SNX25: variants seen among roughly 807,000 people sequenced by gnomAD.
The protein encoded by SNX25 is sorting nexin-25.
A neutral mutation model predicts 113.7 loss-of-function variants in SNX25; 62 were observed. The ratio of observed to expected loss-of-function variants is 0.55; its 90% CI spans 0.44 to 0.67. SNX25 has a LOEUF of 0.67. Ranked by LOEUF, SNX25 falls within the 30% of genes least tolerant of loss-of-function variation. SNX25 has a pLI of 0.00. For missense variants in SNX25, 1,014 were observed against 1,161.0 expected (o/e 0.87, Z 1.84); for synonymous variants, 421 against 436.2 (o/e 0.97, Z 0.43).
At chr4:185,310,322 G>T (rs190825845) in intron 6 of SNX25, among the ~76,000 whole-genome samples, 1 of 152,174 alleles carries the variant, frequency 6.6e-6, no homozygotes, top group African/African-American at 2.4e-5. Context: ...GTATTTGTAC[G>T]TACACATTCA....
At chr4:185,257,936 C>G (rs1168686017) in intron 2 of SNX25, among the ~76,000 whole-genome samples, 1 of 152,090 alleles carries the variant, frequency 6.6e-6, no homozygotes, top group African/African-American at 2.4e-5. Context: ...AGACAGAAAC[C>G]ACACTGTAAT....
At chr4:185,287,530 C>A (rs542467851) in intron 5 of SNX25, among the ~76,000 whole-genome samples, 1 of 152,192 alleles carries the variant, frequency 6.6e-6, no homozygotes. Flanking sequence ...TACTTGGCAC[C>A]GCCCGGTGTG....
downstream of SNX25, chr4:185,365,933 G>T (rs932340088): frequency 3.3e-5 from 5 of 152,056 alleles, no homozygotes; most frequent in African/African-American, 1.2e-4. Context: ...AACATAAAAC[G>T]AGAGCAAATA....
intron 15 of SNX25, among the ~76,000 whole-genome samples, chr4:185,353,981 T>C (rs1324496498): frequency 6.6e-6 from 1 of 151,260 alleles, no homozygotes; most frequent in Non-Finnish European, 1.5e-5. Context: ...GAGGTGGAGG[T>C]TGCAGTGAGC....
chr4:185,204,429 G>A (rs1218738105), exon 1 of SNX25: 1 of 152,220 alleles, frequency 6.6e-6, no homozygotes, highest in Non-Finnish European at 1.5e-5. Flanking sequence ...CCAGAGGCTG[G>A]TTTCAGAATG....
chr4:185,215,843 G>A (rs1274336867), intron 1 of SNX25, among the ~76,000 whole-genome samples: 2 of 151,398 alleles, frequency 1.3e-5, no homozygotes, highest in Non-Finnish European at 2.9e-5. Flanking sequence ...AGATTGGAGG[G>A]CAGTGGTGCC....
At chr4:185,252,994 G>A (rs919373396) in intron 2 of SNX25, among the ~76,000 whole-genome samples, 2 of 152,168 alleles carry the variant, frequency 1.3e-5, no homozygotes, top group Non-Finnish European at 2.9e-5. Flanking sequence ...AGGCAGAACA[G>A]TTACCCTTCT....
At chr4:185,212,573 G>A (rs1348306272) in intron 1 of SNX25, among the ~76,000 whole-genome samples, 2 of 149,408 alleles carry the variant, frequency 1.3e-5, no homozygotes, top group Admixed American at 6.7e-5. Flanking sequence ...TAGAGACAGG[G>A]TCCTCAAGTG....
At chr4:185,204,398 AC>A (rs1737095375) in exon 1 of SNX25, 2 of 152,228 alleles carry the variant, frequency 1.3e-5, no homozygotes, top group African/African-American at 4.8e-5. Context: ...TTCAGTTCAT[AC>A]CACTAGTTAG....
At chr4:185,204,875 G>A (rs529012256), upstream of SNX25, among the ~76,000 whole-genome samples, 6 of 152,338 alleles carry the variant, frequency 3.9e-5, no homozygotes, top group East Asian at 9.6e-4. Context: ...ACTAGAGCCT[G>A]CAAATTTTGA....
rs1192867878 is a variant in SNX25 at position 185,232,109 on chromosome 4, C to T, written c.430-15185C>T. ...TAAAAGCTAGTTAATGTGAAAAACA[C>T]ACTCACCCGTCTAAACCCAAAGAAT... On this transcript the variant is annotated intron_variant, in intron 1 of 18. Coordinates refer to ENST00000652585, the MANE Select transcript of SNX25 (RefSeq NM_001378034.2). This position sits in a 1 kb window ranked among gnomAD's most constrained non-coding sequence, Gnocchi z 4.4. 6.6e-6 allele frequency among the ~76,000 whole-genome samples: 1 copy of T among 152,120 alleles called. No individual in the cohort carries two copies. Among genetic ancestry groups the T allele is most frequent in the Non-Finnish European group, 1.5e-5 (1 of 68,030 alleles).
At chr4:185,213,528 C>A (rs919353150) in intron 1 of SNX25, among the ~76,000 whole-genome samples, 1 of 152,168 alleles carries the variant, frequency 6.6e-6, no homozygotes, top group African/African-American at 2.4e-5. Context: ...CTGTGATGCT[C>A]TAGGGCCAGC....
At chr4:185,336,134 A>T (rs562822771) in intron 10 of SNX25, among the ~76,000 whole-genome samples, 10 of 152,250 alleles carry the variant, frequency 6.6e-5, no homozygotes, top group Non-Finnish European at 1.5e-4. Context: ...CTGGTAAAGT[A>T]TATATAACAA....
intron 9 of SNX25, among the ~76,000 whole-genome samples, chr4:185,329,947 T>C (rs192173111): frequency 6.6e-6 from 1 of 152,260 alleles, no homozygotes. Context: ...GGGCTGCTGC[T>C]GCCCACTGCT....
chr4:185,273,998 A>G (rs1749303486), intron 5 of SNX25, among the ~76,000 whole-genome samples: 1 of 151,914 alleles, frequency 6.6e-6, no homozygotes, highest in African/African-American at 2.4e-5. Context: ...AATTTCACCC[A>G]TCATATCCTA....
At chr4:185,265,839 A>G (rs776324061) in intron 4 of SNX25, among the ~76,000 whole-genome samples, 3 of 151,982 alleles carry the variant, frequency 2.0e-5, no homozygotes, top group Non-Finnish European at 4.4e-5. Flanking sequence ...ATGGTAGAAA[A>G]TTTTCAGCTT....
At chr4:185,212,037 C>G (rs1737899332) in intron 1 of SNX25, among the ~76,000 whole-genome samples, 1 of 152,162 alleles carries the variant, frequency 6.6e-6, no homozygotes, top group African/African-American at 2.4e-5. Context: ...CTCATGAATA[C>G]TACCCGAAGA....
intron 10 of SNX25, among the ~76,000 whole-genome samples, chr4:185,336,217 G>C (rs1337965149): frequency 6.6e-6 from 1 of 152,120 alleles, no homozygotes; most frequent in Non-Finnish European, 1.5e-5. Context: ...GGTGGTGTTT[G>C]GTTACATGAA....
At chr4:185,247,996 AAAC>A (rs1344624095) in intron 2 of SNX25, among the ~76,000 whole-genome samples, 2 of 152,226 alleles carry the variant, frequency 1.3e-5, no homozygotes, top group African/African-American at 4.8e-5. Context: ...AATTTTCAGA[AAAC>A]AAGTCATGAG....
Sources: allele counts gnomAD v4.1 joint callset (sites outside exome capture counted in the v4.1 genomes callset), GRCh38; gene constraint gnomAD v4.1.1; non-coding constraint Gnocchi (gnomAD v3.1); transcripts MANE v1.5; gene names NCBI Gene and HGNC (gene_info 2026-07-23, HGNC 2026-07-21).